MUC5B: variants seen among roughly 807,000 people sequenced by gnomAD.
MUC5B encodes mucin 5B, oligomeric mucus/gel-forming, also known as mucin-5B.
Under a neutral mutation model 376.9 loss-of-function variants are expected in MUC5B, and 116 were observed. That is an observed-to-expected ratio of 0.31 (90% CI 0.26 to 0.36). The LOEUF (loss-of-function observed/expected upper bound fraction) is 0.36. Ranked by LOEUF, MUC5B falls within the 10% of genes least tolerant of loss-of-function variation. The pLI, the probability that MUC5B is intolerant of heterozygous loss-of-function variation, is 1.00. For synonymous variants in MUC5B, 3,517 were observed against 3,390.9 expected (o/e 1.04, Z -1.29); for missense variants, 7,165 against 7,769.9 (o/e 0.92, Z 2.93).
At position 1,246,351 on chromosome 11, in the gene MUC5B, C is replaced by T; in HGVS notation, c.9471C>T (p.Thr3157=). 6.2e-7 allele frequency: 1 copy of T among 1,603,878 alleles called. No individual in the cohort carries two copies. The highest frequency in any genetic ancestry group is 8.5e-7 in the Non-Finnish European group (1 of 1,173,378). The change falls in exon 31 of 49, where the codon ACC becomes ACT. Residue 3157 remains threonine (T), a synonymous_variant. Coordinates refer to ENST00000529681, the MANE Select transcript of MUC5B (RefSeq NM_002458.3). ...ATGPTATPSS[T]PGTTWILTEP... Reference sequence around the variant, plus strand: ...GCCCCACGGCCACCCCGTCCTCCACCCCAGGGACCACCTGGATCCTCACAG... The same window carrying T: ...GCCCCACGGCCACCCCGTCCTCCACTCCAGGGACCACCTGGATCCTCACAG...
rs552534551 is a variant in MUC5B at position 1,243,057 on chromosome 11, C to T, written c.6177C>T (p.Phe2059=). ...TGCCAACTACCACAACCACGGGCTTCACAGCCACCCCCTCCTCCAGCCCAG... is the reference window on the plus strand; with the variant it reads ...TGCCAACTACCACAACCACGGGCTTTACAGCCACCCCCTCCTCCAGCCCAG... ...TKVPTTTTTG[F]TATPSSSPGT... Residue 2059 remains phenylalanine (F), a synonymous_variant, in exon 31 of 49, where the codon TTC becomes TTT. Transcript: ENST00000529681. 9 of 1,611,050 alleles carry T rather than the reference C, an allele frequency of 5.6e-6. No homozygotes were observed. In the East Asian group the frequency reaches 2.0e-4, roughly 36 times the overall value.
Position 1,229,734 on chromosome 11 carries a change from G to C in MUC5B, c.1147G>C (p.Gly383Arg). 1.3e-6 allele frequency: 2 copies of C among 1,597,820 alleles called. No individual in the cohort carries two copies. The highest frequency in any genetic ancestry group is 1.7e-6 in the Non-Finnish European group (2 of 1,174,516). The change falls in exon 10 of 49, where the codon GGG becomes CGG. Residue 383 changes from glycine to arginine, a missense_variant. By Grantham distance (125) the Gly-to-Arg change is moderately radical. Transcript: ENST00000529681. ...CACGCACTCTGGCTGCCTGCCCCTCGGGCAGTGCCCCTGCACCCACGGCGG... is the reference window on the plus strand; with the variant it reads ...CACGCACTCTGGCTGCCTGCCCCTCCGGCAGTGCCCCTGCACCCACGGCGG... ...DITHSGCLPL[G>R]QCPCTHGGRT... is the part of the protein sequence containing the mutation.
intron 1 of MUC5B, among the ~76,000 whole-genome samples, chr11:1,224,399 A>G (rs1861831253): frequency 6.6e-6 from 1 of 150,386 alleles, no homozygotes; most frequent in Non-Finnish European, 1.5e-5. Context: ...CAGGTGGTCC[A>G]GCCCAAGGAG....
Position 1,242,388 on chromosome 11 carries a change from C to A in MUC5B, c.5508C>A (p.Pro1836=). The change falls in exon 31 of 49, where the codon CCC becomes CCA. Residue 1836 remains proline, a synonymous_variant. Transcript: ENST00000529681. ...TAGAGTGCCGGGCGGAGAACTACCC[C>A]GAGGTAAGCATCGACCAGGTCGGGC... ...KSIECRAENY[P]EVSIDQVGQV... 1.9e-6 allele frequency: 3 copies of A among 1,613,900 alleles called. No individual in the cohort carries two copies. The highest frequency in any genetic ancestry group is 1.7e-5 in the Admixed American group (1 of 60,012).
intron 3 of MUC5B, 53 bp downstream of exon 3, chr11:1,226,329 AG>A: frequency 1.3e-6 from 2 of 1,537,932 alleles, no homozygotes; most frequent in South Asian, 2.4e-5. Flanking sequence ...CCAGTCCCAA[AG>A]GTGGGGGCCC....
rs1380071839 is a variant in MUC5B, at chr11:1,241,803, G to A, written c.4923G>A (p.Arg1641=). ...CTACGAGTAGCCCGGGGCTGACCAGGGCTCCCCCGGCCAGCACCACAGCAG... is the reference window on the plus strand; with the variant it reads ...CTACGAGTAGCCCGGGGCTGACCAGAGCTCCCCCGGCCAGCACCACAGCAG... ...PQPTSSPGLT[R]APPASTTAVP... The change falls in exon 31 of 49, where the codon AGG becomes AGA. Residue 1641 remains arginine (R), a synonymous_variant. Transcript: ENST00000529681. The A allele has an allele frequency of 3.7e-6, 6 of 1,612,214 alleles. No homozygotes were observed. Among genetic ancestry groups the A allele is most frequent in the Non-Finnish European group, 5.1e-6 (6 of 1,179,258 alleles).
intron 25 of MUC5B, among the ~76,000 whole-genome samples, chr11:1,238,544 G>C (rs776146207): frequency 6.6e-6 from 1 of 152,194 alleles, no homozygotes; most frequent in African/African-American, 2.4e-5. Flanking sequence ...CCAGATCCAC[G>C]TGATAGAAAG....
In MUC5B at chr11:1,260,097, AG is replaced by A; in HGVS notation, c.16923+14del. The A allele has an allele frequency of 6.2e-7, 1 of 1,611,906 alleles. No homozygotes were observed. Among genetic ancestry groups the A allele is most frequent in the Non-Finnish European group, 8.5e-7 (1 of 1,179,360 alleles). On this transcript the variant is annotated intron_variant, in intron 46 of 48. Coordinates refer to ENST00000529681, the MANE Select transcript of MUC5B (RefSeq NM_002458.3). ...TGTCCAGCTGCAGGGTGTGTGCTGG[AG>A]GCCCTGCCCCTGCCTGGGAGTCCTT... is the stretch of plus-strand genomic sequence containing the variant.
At position 1,244,161 on chromosome 11, in the gene MUC5B, C is replaced by A. The variant is rs1178305100; in HGVS notation, c.7281C>A (p.Ser2427=). 6.2e-7 allele frequency: 1 copy of A among 1,613,422 alleles called. No individual in the cohort carries two copies. Among genetic ancestry groups the A allele is most frequent in the Admixed American group, 1.7e-5 (1 of 60,006 alleles). Residue 2427 remains serine, a synonymous_variant, in exon 31 of 49, where the codon TCC becomes TCA. Coordinates refer to ENST00000529681, the MANE Select transcript of MUC5B (RefSeq NM_002458.3). The stretch of plus-strand genomic sequence containing the variant: ...CCACCAGCTCTACGGCCATGCCCTC[C>A]TCCACTCCGGGGACGACCTGGATCC... ...TPATSSTAMP[S]STPGTTWILT... is the part of the protein sequence containing the mutation.
chr11:1,256,426 C>T (rs562265703), intron 38 of MUC5B, among the ~76,000 whole-genome samples: 3 of 151,888 alleles, frequency 2.0e-5, no homozygotes, highest in East Asian at 3.9e-4. Context: ...TCCCTGGCCA[C>T]GCCTGGCCCC....
At chr11:1,255,359 C>A (rs374959976) in intron 36 of MUC5B, 24 bp from the exon 37 acceptor site, 1 of 1,569,304 alleles carries the variant, frequency 6.4e-7, no homozygotes, top group Non-Finnish European at 8.7e-7. Context: ...GGGGGCCCTC[C>A]GTCCTGATCG....
chr11:1,238,831 C>A, intron 25 of MUC5B, 40 bp from the exon 26 acceptor site: 1 of 1,534,328 alleles, frequency 6.5e-7, no homozygotes, highest in Non-Finnish European at 8.8e-7. Context: ...GCCGGGGGGG[C>A]CATTGTCCCG....
chr11:1,241,490 G>A lies in MUC5B; in HGVS notation c.4610G>A (p.Gly1537Glu), dbSNP rs1564938679. 1 of 1,613,756 alleles carries A rather than the reference G, an allele frequency of 6.2e-7. No individual in the cohort carries two copies. The highest frequency in any genetic ancestry group is 8.5e-7 in the Non-Finnish European group (1 of 1,179,828). Residue 1537 changes from glycine to glutamate, a missense_variant, in exon 31 of 49, where the codon GGA (glycine) becomes GAA (glutamate). By Grantham distance (98) the Gly-to-Glu change is moderately conservative (BLOSUM62 -2). Coordinates refer to ENST00000529681, the MANE Select transcript of MUC5B (RefSeq NM_002458.3). ...TCCTACGATAAGATCAGGGCCGCTG[G>A]AGGGCACTTATGCCAGCAGCCTAAG... is the stretch of plus-strand genomic sequence containing the variant. ...VESYDKIRAA[G>E]GHLCQQPKDI...
rs536128341 is a variant in MUC5B at position 1,245,912 on chromosome 11, T to A, written c.9032T>A (p.Ile3011Asn). 6 of 1,595,076 alleles carry A rather than the reference T, an allele frequency of 3.8e-6. No individual in the cohort carries two copies. In the Admixed American group the frequency reaches 6.8e-5, roughly 18 times the overall value. ...ACCGCAACCACTGGATCCACGGCCATCCCGTCCTCCACCCCGGGAACAGCT... is the reference window on the plus strand; with the variant it reads ...ACCGCAACCACTGGATCCACGGCCAACCCGTCCTCCACCCCGGGAACAGCT... ...TTTATTGSTA[I>N]PSSTPGTAPP... Residue 3011 changes from isoleucine to asparagine, a missense_variant, in exon 31 of 49, where the codon ATC becomes AAC. Physicochemically the swap from Ile to Asn is moderately radical, Grantham distance 149 (BLOSUM62 -3). Coordinates refer to ENST00000529681, the MANE Select transcript of MUC5B (RefSeq NM_002458.3).
At position 1,243,161 on chromosome 11, in the gene MUC5B, C is replaced by T. The variant is rs564893139; in HGVS notation, c.6281C>T (p.Ser2094Phe). ...TTRGSTVTPS[S>F]IPGTTHTATV... ...AGAGGCTCCACGGTGACCCCCTCCT[C>T]CATCCCGGGGACCACCCACACCGCC... is the stretch of plus-strand genomic sequence containing the variant. Residue 2094 changes from serine (S) to phenylalanine (F), a missense_variant, in exon 31 of 49, where the codon TCC (serine) becomes TTC (phenylalanine). Physicochemically the swap from Ser to Phe is radical, Grantham distance 155. Transcript: ENST00000529681. 38 of 1,609,474 alleles carry T rather than the reference C, an allele frequency of 2.4e-5. 1 individual carries two copies. The South Asian group carries it at 4.0e-4, about 17-fold the overall frequency.
At chr11:1,261,299 C>T in intron 48 of MUC5B, 90 bp from the exon 49 acceptor site, 1 of 1,216,142 alleles carries the variant, frequency 8.2e-7, no homozygotes, top group Admixed American at 2.1e-5. Context: ...CCGTCTGGCC[C>T]AGGACCCCAG....
At position 1,246,133 on chromosome 11, in the gene MUC5B, A is replaced by G; in HGVS notation, c.9253A>G (p.Thr3085Ala). 1.9e-6 allele frequency: 3 copies of G among 1,611,180 alleles called. No individual in the cohort carries two copies. The South Asian group carries it at 3.3e-5, about 18-fold the overall frequency. ...CACCGGGACCCTCCCAGAACAGACCACCACACCCATGGCCACCATGTCCAC... is the reference window on the plus strand; with the variant it reads ...CACCGGGACCCTCCCAGAACAGACCGCCACACCCATGGCCACCATGTCCAC... ...GTTGTLPEQTTTPMATMSTIH... is the reference protein window; with the variant it reads ...GTTGTLPEQTATPMATMSTIH... The change falls in exon 31 of 49, where the codon ACC becomes GCC. Residue 3085 changes from threonine (T) to alanine (A), a missense_variant. Thr to Ala is a moderately conservative substitution (Grantham distance 58, BLOSUM62 0). Around this residue, in one of 31 missense-constraint regions of MUC5B, gnomAD observed 939 missense variants for 770.6 expected, o/e 1.22. Coordinates refer to ENST00000529681, the MANE Select transcript of MUC5B (RefSeq NM_002458.3).
Position 1,259,015 on chromosome 11 carries a change from C to A in MUC5B, c.16667C>A (p.Thr5556Lys), listed in dbSNP as rs372883024. Residue 5556 changes from threonine to lysine, a missense_variant, in exon 44 of 49, where the codon ACG becomes AAG. By Grantham distance (78) the Thr-to-Lys change is moderately conservative. Coordinates refer to ENST00000529681, the MANE Select transcript of MUC5B (RefSeq NM_002458.3). ...CTCTCTGGGGACACCCAGGACCCAA[C>A]GGTGCAATGTCAGGAGGATGCCTGC... The part of the protein sequence containing the change: ...TCLSGDTQDP[T>K]VQCQEDACNN... 6.4e-7 allele frequency: 1 copy of A among 1,560,030 alleles called. No homozygotes were observed. The highest frequency in any genetic ancestry group is 1.7e-4 in the Middle Eastern group (1 of 6,000).
Position 1,254,120 on chromosome 11 carries a change from C to A in MUC5B, c.15246C>A (p.His5082Gln). The A allele has an allele frequency of 6.2e-7, 1 of 1,612,646 alleles. No individual in the cohort carries two copies. The highest frequency in any genetic ancestry group is 8.5e-7 in the Non-Finnish European group (1 of 1,179,810). Reference protein sequence around the residue: ...ECICSMWGGSHYSTFDGTSYT... With the variant: ...ECICSMWGGSQYSTFDGTSYT... ...TCTGCAGCATGTGGGGCGGCTCCCA[C>A]TATTCCACCTTTGACGGCACCTCTT... Residue 5082 changes from histidine to glutamine, a missense_variant, in exon 34 of 49, where the codon CAC becomes CAA. His to Gln is a conservative substitution (Grantham distance 24). This residue lies in a region of MUC5B where 842 missense variants were observed against 1,016.9 expected (regional missense o/e 0.83). Coordinates refer to ENST00000529681, the MANE Select transcript of MUC5B (RefSeq NM_002458.3).
Sources: gnomAD v4.1 joint callset for allele counts (sites outside exome capture counted in the v4.1 genomes callset) on GRCh38, gnomAD v4.1.1 for gene constraint, gnomAD v4.1.1 regional missense constraint, MANE v1.5 for transcripts, NCBI Gene and HGNC (gene_info 2026-07-23, HGNC 2026-07-21) for gene names.